NELL1: variants seen among roughly 807,000 people sequenced by gnomAD.
NELL1 encodes protein kinase C-binding protein NELL1.
Under a neutral mutation model 107.4 loss-of-function variants are expected in NELL1, and 76 were observed. The observed-to-expected ratio is 0.71, with a 90% CI of 0.59 to 0.86. The LOEUF is 0.86. Ranked by LOEUF, NELL1 falls within the 40% of genes least tolerant of loss-of-function variation. The pLI, the probability that NELL1 is intolerant of heterozygous loss-of-function variation, is 0.00. For synonymous variants in NELL1, 353 were observed against 341.2 expected (o/e 1.03, Z -0.38); for missense variants, 1,024 against 1,005.5 (o/e 1.02, Z -0.25).
At chr11:21,107,814 C>T (rs138441833) in intron 12 of NELL1, among the ~76,000 whole-genome samples, 7 of 152,184 alleles carry the variant, frequency 4.6e-5, no homozygotes, top group African/African-American at 1.2e-4. Flanking sequence ...TGAATGTATA[C>T]GTGGGAAAAA....
In NELL1 at chr11:20,725,181, A is replaced by C. The variant is rs140496235; in HGVS notation, c.184+47121A>C. 8.1e-4 allele frequency among the ~76,000 whole-genome samples: 124 copies of C among 152,340 alleles called. 1 individual carries two copies. The East Asian group carries it at 0.023, about 28-fold the overall frequency. On this transcript the variant is annotated intron_variant, in intron 2 of 19. Transcript: ENST00000357134. ...TAAAGACACCATATGTAGTCACAGC[A>C]TCTCCAAACAGTTCATGCAGTAAGG...
At chr11:20,757,422 T>G (rs1856321654) in intron 2 of NELL1, among the ~76,000 whole-genome samples, 1 of 152,224 alleles carries the variant, frequency 6.6e-6, no homozygotes, top group African/African-American at 2.4e-5. Flanking sequence ...GAGACTCAGC[T>G]GCTTACAGCC....
At chr11:21,068,954 G>A (rs948633220) in intron 12 of NELL1, among the ~76,000 whole-genome samples, 2 of 152,290 alleles carry the variant, frequency 1.3e-5, no homozygotes, top group East Asian at 3.9e-4. Flanking sequence ...AAACATGGGT[G>A]TATACATAAA....
chr11:21,229,567 C>T (rs1857989406), intron 14 of NELL1, 113 bp downstream of exon 14: 2 of 1,414,964 alleles, frequency 1.4e-6, no homozygotes, highest in Non-Finnish European at 1.9e-6. Flanking sequence ...AGGGTTCCTG[C>T]TCCTGGTTTA....
intron 2 of NELL1, among the ~76,000 whole-genome samples, chr11:20,778,256 T>G (rs1224982434): frequency 6.6e-6 from 1 of 152,202 alleles, no homozygotes; most frequent in Non-Finnish European, 1.5e-5. Flanking sequence ...GAAACTGTCT[T>G]GCTTACGTGT....
intron 14 of NELL1, among the ~76,000 whole-genome samples, chr11:21,281,047 C>T (rs1030296004): frequency 2.0e-5 from 3 of 151,442 alleles, no homozygotes; most frequent in African/African-American, 7.3e-5. Context: ...CCCAAGGAGA[C>T]CCCTTTCTTC....
chr11:20,937,862 A>T lies in NELL1; in HGVS notation c.1071+3A>T. ...CCAAGAGCTGTCGGGAATGCCGAGT[A>T]AGTGTTAATTTTATGGTCCCTATCA... On this transcript the variant is annotated splice_donor_region_variant and intron_variant, in intron 10 of 19. Transcript: ENST00000357134. 6.2e-7 allele frequency: 1 copy of T among 1,613,808 alleles called. No homozygotes were observed. The highest frequency in any genetic ancestry group is 8.5e-7 in the Non-Finnish European group (1 of 1,179,694).
At chr11:21,150,628 G>A (rs1279097224) in intron 13 of NELL1, among the ~76,000 whole-genome samples, 1 of 152,098 alleles carries the variant, frequency 6.6e-6, no homozygotes, top group Non-Finnish European at 1.5e-5. Context: ...AAAGCAGATG[G>A]CATTGTTCTC....
intron 14 of NELL1, among the ~76,000 whole-genome samples, chr11:21,340,439 A>G (rs1435333957): frequency 2.6e-5 from 4 of 152,228 alleles, no homozygotes; most frequent in Non-Finnish European, 5.9e-5. Flanking sequence ...GGCGTGAGCC[A>G]CCGCGCCCAG....
intron 4 of NELL1, among the ~76,000 whole-genome samples, chr11:20,852,134 A>G (rs1312544100): frequency 6.6e-6 from 1 of 152,218 alleles, no homozygotes; most frequent in Non-Finnish European, 1.5e-5. Context: ...TCTTAAGTGC[A>G]GTCTATCACA....
At chr11:21,214,889 CACAT>C (rs1260741291) in intron 13 of NELL1, among the ~76,000 whole-genome samples, 5 of 152,226 alleles carry the variant, frequency 3.3e-5, no homozygotes, top group African/African-American at 1.2e-4. Flanking sequence ...TAGAACTATA[CACAT>C]ACATAATACA....
intron 2 of NELL1, among the ~76,000 whole-genome samples, chr11:20,762,466 A>G (rs780906591): frequency 6.6e-6 from 1 of 152,222 alleles, no homozygotes; most frequent in Non-Finnish European, 1.5e-5. Context: ...CAAAGCTTCA[A>G]ATCATAATTA....
At chr11:20,676,859 A>C (rs1854071588) in intron 1 of NELL1, among the ~76,000 whole-genome samples, 1 of 152,244 alleles carries the variant, frequency 6.6e-6, no homozygotes, top group Admixed American at 6.5e-5. Flanking sequence ...CATTTCCAAC[A>C]GCACAGTCAA....
intron 15 of NELL1, among the ~76,000 whole-genome samples, chr11:21,409,188 C>A (rs1277621864): frequency 1.3e-5 from 2 of 152,012 alleles, no homozygotes; most frequent in Non-Finnish European, 2.9e-5. Flanking sequence ...ACCCAAATGT[C>A]CAACAATGAT....
intron 11 of NELL1, among the ~76,000 whole-genome samples, chr11:20,951,849 T>C (rs191764293): frequency 9.2e-5 from 14 of 152,136 alleles, no homozygotes; most frequent in Middle Eastern, 3.4e-3. Context: ...GCTGGCAACA[T>C]GAAATTCATT....
chr11:21,132,284 G>A (rs563851571), intron 13 of NELL1, among the ~76,000 whole-genome samples: 3 of 152,224 alleles, frequency 2.0e-5, no homozygotes, highest in East Asian at 1.9e-4. Flanking sequence ...ATTGTCACGG[G>A]ATCCTTGGGG....
intron 12 of NELL1, among the ~76,000 whole-genome samples, chr11:21,105,064 G>C (rs114499463): frequency 2.6e-5 from 4 of 152,058 alleles, no homozygotes; most frequent in Non-Finnish European, 2.9e-5. Context: ...ATGAATTTGG[G>C]GGGGACACAG....
At chr11:20,856,014 T>C (rs1311088350) in intron 4 of NELL1, among the ~76,000 whole-genome samples, 1 of 152,228 alleles carries the variant, frequency 6.6e-6, no homozygotes, top group African/African-American at 2.4e-5. Flanking sequence ...AAACTTTAAT[T>C]AAACTAATGT....
chr11:20,715,691 T>A (rs1855233581), intron 2 of NELL1, among the ~76,000 whole-genome samples: 1 of 152,210 alleles, frequency 6.6e-6, no homozygotes, highest in South Asian at 2.1e-4. Flanking sequence ...GTCTTGTCAG[T>A]TGGTGAATTC....
Sources: allele counts gnomAD v4.1 joint callset (sites outside exome capture counted in the v4.1 genomes callset), GRCh38; gene constraint gnomAD v4.1.1; transcripts MANE v1.5; gene names NCBI Gene and HGNC (gene_info 2026-07-23, HGNC 2026-07-21).